CCDC146: variants seen among roughly 807,000 people sequenced by gnomAD.
CCDC146 encodes coiled-coil domain-containing protein 146.
A neutral mutation model predicts 119.3 loss-of-function variants in CCDC146; 92 were observed. The ratio of observed to expected loss-of-function variants is 0.77; its 90% CI spans 0.65 to 0.92. The LOEUF is 0.92. Among genes scored for constraint, CCDC146 ranks in the 40% least tolerant of loss-of-function variants. The pLI, the probability that CCDC146 is intolerant of heterozygous loss-of-function variation, is 0.00. For missense variants in CCDC146, 1,000 were observed against 1,103.0 expected (o/e 0.91, Z 1.32); for synonymous variants, 372 against 371.8 (o/e 1.00, Z -0.01).
intron 3 of CCDC146, among the ~76,000 whole-genome samples, chr7:77,240,499 A>AATC (rs1244588788): frequency 5.3e-5 from 8 of 152,356 alleles, no homozygotes; most frequent in Admixed American, 2.0e-4. Context: ...CATGTAACTT[A>AATC]ATCACATCCT....
At chr7:77,241,948 A>G in intron 4 of CCDC146, 48 bp downstream of exon 4, 1 of 1,426,274 alleles carries the variant, frequency 7.0e-7, no homozygotes, top group Non-Finnish European at 9.8e-7. Flanking sequence ...TTTCCTCATA[A>G]ATAGAAAAAA....
intron 1 of CCDC146, among the ~76,000 whole-genome samples, chr7:77,154,965 C>T (rs1166147169): frequency 1.3e-5 from 2 of 152,110 alleles, no homozygotes; most frequent in Admixed American, 6.5e-5. Context: ...TTCTAGATTG[C>T]ACCCAAACAG....
chr7:77,290,902 G>A (rs1167405027), intron 17 of CCDC146, among the ~76,000 whole-genome samples: 3 of 152,180 alleles, frequency 2.0e-5, no homozygotes, highest in African/African-American at 7.2e-5. Flanking sequence ...AAGGTATTCA[G>A]CATTAGTGTA....
chr7:77,268,841 T>C (rs1038940516), intron 9 of CCDC146, among the ~76,000 whole-genome samples: 5 of 152,234 alleles, frequency 3.3e-5, no homozygotes, highest in African/African-American at 1.2e-4. Flanking sequence ...AGCTTCACTA[T>C]GAAGAAGATT....
chr7:77,250,461 T>G (rs1424558375), intron 4 of CCDC146, among the ~76,000 whole-genome samples: 3 of 152,212 alleles, frequency 2.0e-5, no homozygotes, highest in Non-Finnish European at 4.4e-5. Flanking sequence ...GAGCTTTAGT[T>G]TGGTGGTTTT....
intron 2 of CCDC146, chr7:77,198,935 T>G: frequency 1.9e-6 from 1 of 531,216 alleles, no homozygotes; most frequent in Non-Finnish European, 3.3e-6. Context: ...AGGTCTGGCA[T>G]TAACAAATAA....
intron 1 of CCDC146, among the ~76,000 whole-genome samples, chr7:77,152,064 C>A (rs1791115793): frequency 2.0e-5 from 3 of 152,006 alleles, no homozygotes; most frequent in Admixed American, 6.6e-5. Flanking sequence ...TTCCAAGTAC[C>A]ACCTGGGAAA....
At chr7:77,160,144 A>C (rs10953144) in intron 1 of CCDC146, among the ~76,000 whole-genome samples, 81,729 of 151,860 alleles carry the variant, frequency 0.54, 22,328 homozygotes, top group African/African-American at 0.63. Context: ...GTTTTGGTAC[A>C]AGTACCATGC....
chr7:77,246,538 TAATA>T (rs1160730610), intron 4 of CCDC146: 4 of 152,124 alleles, frequency 2.6e-5, no homozygotes, highest in Admixed American at 1.3e-4. Context: ...GGTTAGGAGT[TAATA>T]CATACCAGGA....
At chr7:77,155,338 GTC>G (rs1376929605) in intron 1 of CCDC146, among the ~76,000 whole-genome samples, 1 of 152,024 alleles carries the variant, frequency 6.6e-6, no homozygotes, top group African/African-American at 2.4e-5. Context: ...ACAATAATTT[GTC>G]TCTAACTGAT....
intron 1 of CCDC146, among the ~76,000 whole-genome samples, chr7:77,131,698 A>G (rs1325032802): frequency 1.3e-5 from 2 of 152,274 alleles, no homozygotes; most frequent in African/African-American, 4.8e-5. Flanking sequence ...AGCCTGGGCA[A>G]CAGAGTGAGA....
At position 77,196,859 on chromosome 7, in the gene CCDC146, A is replaced by T. The variant is rs1334506370; in HGVS notation, c.156+29035A>T. 3 of 1,613,268 alleles carry T rather than the reference A, an allele frequency of 1.9e-6. No individual in the cohort carries two copies. In the Admixed American group the frequency reaches 5.0e-5, roughly 27 times the overall value. On this transcript the variant is annotated intron_variant, in intron 2 of 18. Coordinates refer to ENST00000285871, the MANE Select transcript of CCDC146 (RefSeq NM_020879.3). This position sits in a 1 kb window ranked among gnomAD's most constrained non-coding sequence, Gnocchi z 4.2. Reference sequence around the variant, plus strand: ...CTGCAGCACTGTCCAGCCTCCCCCCATGGTCTCCATGTCACAGTAAACTTC... The same window carrying T: ...CTGCAGCACTGTCCAGCCTCCCCCCTTGGTCTCCATGTCACAGTAAACTTC...
chr7:77,188,320 A>G (rs1791704362), intron 2 of CCDC146, among the ~76,000 whole-genome samples: 2 of 152,138 alleles, frequency 1.3e-5, no homozygotes, highest in Non-Finnish European at 1.5e-5. Flanking sequence ...TATACCTACT[A>G]TGTACCCACA....
chr7:77,222,131 C>A (rs1192810484), intron 2 of CCDC146, among the ~76,000 whole-genome samples: 1 of 152,232 alleles, frequency 6.6e-6, no homozygotes, highest in Non-Finnish European at 1.5e-5. Flanking sequence ...AGTGAATTAG[C>A]AAGAGTGGAA....
Position 77,181,487 on chromosome 7 carries a change from C to T in CCDC146, c.156+13663C>T, listed in dbSNP as rs146588771. On this transcript the variant is annotated intron_variant, in intron 2 of 18. Transcript: ENST00000285871. ...TCCCAAACAAGGTGTATGCAGGCCG[C>T]GTATATAGGGCAAATGTTAAAGCGG... Among the ~76,000 whole-genome samples, 435 of 152,206 alleles carry T rather than the reference C, an allele frequency of 2.9e-3. 2 individuals are homozygous for T. The highest frequency in any genetic ancestry group is 9.9e-3 in the African/African-American group (411 of 41,516).
intron 2 of CCDC146, among the ~76,000 whole-genome samples, chr7:77,204,021 A>C (rs1792042008): frequency 6.8e-6 from 1 of 148,068 alleles, no homozygotes; most frequent in Non-Finnish European, 1.5e-5. Context: ...CCCCTAATAC[A>C]GTTTTTTTTT....
rs138053225 is a variant in CCDC146 at position 77,282,677 on chromosome 7, A to G, written c.2040A>G (p.Gln680=). ...IEIHLLEEKI[Q]FLKMKIAEKQ... is the part of the protein sequence containing the mutation. ...TACATCTACTGGAAGAAAAGATCCA[A>G]TTCCTGAAAATGAAGATTGCTGAGA... is the stretch of plus-strand genomic sequence containing the variant. The change falls in exon 15 of 19, where the codon CAA becomes CAG. Residue 680 remains glutamine, a synonymous_variant. Coordinates refer to ENST00000285871, the MANE Select transcript of CCDC146 (RefSeq NM_020879.3). 3.7e-6 allele frequency: 6 copies of G among 1,613,896 alleles called. No individual in the cohort carries two copies. The African/African-American group carries it at 6.7e-5, about 18-fold the overall frequency.
At chr7:77,289,861 G>A (rs183076652) in intron 17 of CCDC146, among the ~76,000 whole-genome samples, 9 of 152,330 alleles carry the variant, frequency 5.9e-5, no homozygotes, top group African/African-American at 7.2e-5. Context: ...ACACACACTC[G>A]AGTGTGTAGT....
At chr7:77,268,026 G>T (rs1349087313) in intron 9 of CCDC146, among the ~76,000 whole-genome samples, 2 of 152,198 alleles carry the variant, frequency 1.3e-5, no homozygotes, top group African/African-American at 4.8e-5. Flanking sequence ...TCAATAGAGG[G>T]TATTAGAAAG....
Sources: gnomAD v4.1 joint callset for allele counts (sites outside exome capture counted in the v4.1 genomes callset) on GRCh38, gnomAD v4.1.1 for gene constraint, Gnocchi (gnomAD v3.1) non-coding constraint, MANE v1.5 for transcripts, NCBI Gene and HGNC (gene_info 2026-07-23, HGNC 2026-07-21) for gene names.